MGP: variants seen among roughly 807,000 people sequenced by gnomAD.
MGP encodes cell growth-inhibiting gene 36 protein.
Under a neutral mutation model 14.5 loss-of-function variants are expected in MGP, and 13 were observed. The observed-to-expected ratio is 0.89, with a 90% CI of 0.58 to 1.42. The LOEUF (loss-of-function observed/expected upper bound fraction) is 1.42. MGP is among the 40% of genes most tolerant of loss of function. MGP has a pLI of 0.00. For missense variants in MGP, 128 were observed against 133.7 expected (o/e 0.96, Z 0.21); for synonymous variants, 44 against 46.3 (o/e 0.95, Z 0.20).
chr12:14,882,919 C>CTG, intron 3 of MGP, 53 bp downstream of exon 3: 1 of 1,197,762 alleles, frequency 8.3e-7, no homozygotes, highest in South Asian at 1.2e-5. Context: ...CAATTCAGAT[C>CTG]TGTGATCTAC....
At chr12:14,884,919 A>G (rs1251754060) in intron 1 of MGP, 1 of 1,511,972 alleles carries the variant, frequency 6.6e-7, no homozygotes, top group African/African-American at 1.4e-5. Context: ...TGGAATAAGA[A>G]GCTTCTATTA....
At chr12:14,883,367 G>A in intron 2 of MGP, 1 of 360,894 alleles carries the variant, frequency 2.8e-6, no homozygotes. Context: ...GAAATTCTCT[G>A]TCCTGAGGAT....
At position 14,882,170 on chromosome 12, in the gene MGP, C is replaced by T. The variant is rs546998085; in HGVS notation, c.281G>A (p.Arg94His). Residue 94 changes from arginine (R) to histidine (H), a missense_variant, in exon 4 of 4, where the codon CGC becomes CAC. By Grantham distance (29) the Arg-to-His change is conservative. Transcript: ENST00000539261. ...MVYGYNAAYNRYFRKRRGTK is the reference protein window; with the variant it reads ...MVYGYNAAYNHYFRKRRGTK ...GGTCCCTCGGCGCTTCCTGAAGTAG[C>T]GATTATAGGCAGCATTGTATCCATA... 2.9e-5 allele frequency: 46 copies of T among 1,613,884 alleles called. No homozygotes were observed. In the African/African-American group the frequency reaches 4.4e-4, roughly 15 times the overall value.
chr12:14,882,080 G>C lies in MGP; in HGVS notation c.*59C>G, dbSNP rs772231950. 3.8e-6 allele frequency: 6 copies of C among 1,585,172 alleles called. No homozygotes were observed. Among genetic ancestry groups the C allele is most frequent in the Non-Finnish European group, 5.2e-6 (6 of 1,154,208 alleles). ...GTATTTCTGTAATGCTGCTACAGGG[G>C]GATACAAAATCAGGTGCCAGCCTCC... On this transcript the variant is annotated 3_prime_UTR_variant, in exon 4 of 4. Transcript: ENST00000539261.
intron 2 of MGP, chr12:14,883,301 T>C: frequency 2.2e-6 from 1 of 448,474 alleles, no homozygotes; most frequent in South Asian, 2.2e-5. Flanking sequence ...GACGATCACT[T>C]TGCCTTTCTT....
rs1863377342 is a variant in MGP, at chr12:14,881,876, A to G, written c.*263T>C. 1 of 470,296 alleles carries G rather than the reference A, an allele frequency of 2.1e-6. No homozygotes were observed. Among genetic ancestry groups the G allele is most frequent in the Admixed American group, 3.4e-5 (1 of 29,694 alleles). The allele number at this position is 470,296 out of a possible 1,614,324, so 29.1% of individuals were successfully genotyped here. ...ATATCTCAATATCTTCCCAAAAGAAAGCAGATTTACAAGATGAAAGTATCA... is the reference window on the plus strand; with the variant it reads ...ATATCTCAATATCTTCCCAAAAGAAGGCAGATTTACAAGATGAAAGTATCA... On this transcript the variant is annotated 3_prime_UTR_variant, in exon 4 of 4. Coordinates refer to ENST00000539261, the MANE Select transcript of MGP (RefSeq NM_000900.5).
chr12:14,882,116 A>C lies in MGP; in HGVS notation c.*23T>G. The stretch of plus-strand genomic sequence containing the variant: ...CAGGTGCCAGCCTCCAGAAAAAAAG[A>C]GATTTTTTTTCTTCCCTCAGTCTCA... On this transcript the variant is annotated 3_prime_UTR_variant, in exon 4 of 4. Coordinates refer to ENST00000539261, the MANE Select transcript of MGP (RefSeq NM_000900.5). 1 of 1,613,854 alleles carries C rather than the reference A, an allele frequency of 6.2e-7. No homozygotes were observed. Among genetic ancestry groups the C allele is most frequent in the Non-Finnish European group, 8.5e-7 (1 of 1,179,810 alleles).
rs573239426 is a variant in MGP at position 14,881,964 on chromosome 12, C to T, written c.*175G>A. On this transcript the variant is annotated 3_prime_UTR_variant, in exon 4 of 4. Transcript: ENST00000539261. ...CTCTCCTTTGACCCTCACTGCAGTG[C>T]ACTTTCATTACTTATCAATCTGGGG... The T allele has an allele frequency of 1.4e-6, 1 of 735,016 alleles. No homozygotes were observed. Among genetic ancestry groups the T allele is most frequent in the Admixed American group, 2.2e-5 (1 of 45,474 alleles). The allele number at this position is 735,016 out of a possible 1,614,324, so 45.5% of individuals were successfully genotyped here.
At position 14,885,792 on chromosome 12, in the gene MGP, G is replaced by A. The variant is rs764986755; in HGVS notation, c.-1C>T. The A allele has an allele frequency of 6.2e-7, 1 of 1,613,658 alleles. No homozygotes were observed. The highest frequency in any genetic ancestry group is 8.5e-7 in the Non-Finnish European group (1 of 1,179,650). On this transcript the variant is annotated 5_prime_UTR_variant, in exon 1 of 4. Coordinates refer to ENST00000539261, the MANE Select transcript of MGP (RefSeq NM_000900.5). ...TGGCAAGAAGGATCAGGCTCTTCAT[G>A]GTTTCGTCCTGCAGGTCAGTCTCAG...
chr12:14,882,212 T>C lies in MGP; in HGVS notation c.239A>G (p.Glu80Gly). The C allele has an allele frequency of 1.2e-6, 2 of 1,614,112 alleles. No individual in the cohort carries two copies. Among genetic ancestry groups the C allele is most frequent in the South Asian group, 2.2e-5 (2 of 91,088 alleles). The change falls in exon 4 of 4, where the codon GAA (glutamate) becomes GGA (glycine). Residue 80 changes from glutamate (E) to glycine (G), a missense_variant. By Grantham distance (98) the Glu-to-Gly change is moderately conservative. Transcript: ENST00000539261. Reference protein sequence around the residue: ...REACDDYRLCERYAMVYGYNA... With the variant: ...REACDDYRLCGRYAMVYGYNA... ...GTATCCATAAACCATGGCGTAGCGTTCGCAAAGTCTGTAGTCATCACAGGC... is the reference window on the plus strand; with the variant it reads ...GTATCCATAAACCATGGCGTAGCGTCCGCAAAGTCTGTAGTCATCACAGGC...
In MGP at chr12:14,882,132, C is replaced by T. The variant is rs1863382040; in HGVS notation, c.*7G>A. ...GAAAAAAAGAGATTTTTTTTCTTCCCTCAGTCTCATTTGGTCCCTCGGCGC... is the reference window on the plus strand; with the variant it reads ...GAAAAAAAGAGATTTTTTTTCTTCCTTCAGTCTCATTTGGTCCCTCGGCGC... On this transcript the variant is annotated 3_prime_UTR_variant, in exon 4 of 4. Coordinates refer to ENST00000539261, the MANE Select transcript of MGP (RefSeq NM_000900.5). 11 of 1,613,728 alleles carry T rather than the reference C, an allele frequency of 6.8e-6. No homozygotes were observed. Among genetic ancestry groups the T allele is most frequent in the Non-Finnish European group, 9.3e-6 (11 of 1,179,898 alleles).
rs1565440287 is a variant in MGP at position 14,882,159 on chromosome 12, T to C, written c.292A>G (p.Lys98Glu). ...CAGTCTCATTTGGTCCCTCGGCGCT[T>C]CCTGAAGTAGCGATTATAGGCAGCA... ...YNAAYNRYFR[K>E]RRGTK is the part of the protein sequence containing the mutation. The change falls in exon 4 of 4, where the codon AAG becomes GAG. Residue 98 changes from lysine to glutamate, a missense_variant. Lys to Glu is a moderately conservative substitution (Grantham distance 56). Coordinates refer to ENST00000539261, the MANE Select transcript of MGP (RefSeq NM_000900.5). 1 of 1,614,100 alleles carries C rather than the reference T, an allele frequency of 6.2e-7. No homozygotes were observed. The highest frequency in any genetic ancestry group is 1.7e-5 in the Admixed American group (1 of 60,022).
At position 14,882,999 on chromosome 12, in the gene MGP, T is replaced by C; in HGVS notation, c.143A>G (p.Gln48Arg). The change falls in exon 3 of 4, where the codon CAG (glutamine) becomes CGG (arginine). Residue 48 changes from glutamine (Q) to arginine (R), a missense_variant. Transcript: ENST00000539261. ...CTCTTGGACTTTAGCTCTCCATCTCTGCTGAGGGGATATGAAGGTATTTGC... is the reference window on the plus strand; with the variant it reads ...CTCTTGGACTTTAGCTCTCCATCTCCGCTGAGGGGATATGAAGGTATTTGC... ...RNANTFISPQQRWRAKVQERI... is the reference protein window; with the variant it reads ...RNANTFISPQRRWRAKVQERI... The C allele has an allele frequency of 3.1e-6, 5 of 1,612,932 alleles. No homozygotes were observed. Among genetic ancestry groups the C allele is most frequent in the Non-Finnish European group, 4.2e-6 (5 of 1,179,004 alleles).
Position 14,884,713 on chromosome 12 carries a change from G to A in MGP, c.62-468C>T, listed in dbSNP as rs1348393166. 5 of 982,382 alleles carry A rather than the reference G, an allele frequency of 5.1e-6. No individual in the cohort carries two copies. In the African/African-American group the frequency reaches 6.6e-5, roughly 13 times the overall value. The allele number at this position is 982,382 out of a possible 1,614,324, so 60.9% of individuals were successfully genotyped here. A position where few individuals can be genotyped will look rare whatever the true frequency, so the allele number is the denominator to read the frequency against. The stretch of plus-strand genomic sequence containing the variant: ...GAACTACAGGGCAGTTGCTCTGCTG[G>A]GCTTACTAGGGCAGGTTTCTAAGAG... On this transcript the variant is annotated intron_variant, in intron 1 of 3. Coordinates refer to ENST00000539261, the MANE Select transcript of MGP (RefSeq NM_000900.5).
At chr12:14,884,364 T>C in intron 1 of MGP, 119 bp from the exon 2 acceptor site, 1 of 687,012 alleles carries the variant, frequency 1.5e-6, no homozygotes. Context: ...GAGGAAAGAG[T>C]CTAAAAACAT....
At chr12:14,883,077 T>C (rs769385971) in intron 2 of MGP, 30 bp from the exon 3 acceptor site, 1 of 1,468,860 alleles carries the variant, frequency 6.8e-7, no homozygotes, top group South Asian at 1.1e-5. Flanking sequence ...AAATGCAGTT[T>C]TAGCGACACA....
intron 1 of MGP, 61 bp from the exon 2 acceptor site, chr12:14,884,306 A>G: frequency 8.9e-7 from 1 of 1,128,774 alleles, no homozygotes; most frequent in Non-Finnish European, 1.3e-6. Flanking sequence ...TTATGTTATT[A>G]TTTATCAATT....
intron 2 of MGP, 185 bp from the exon 3 acceptor site, chr12:14,883,232 A>C (rs1863401411): frequency 1.7e-6 from 1 of 592,100 alleles, no homozygotes; most frequent in Admixed American, 2.4e-5. Flanking sequence ...AAATGAAATC[A>C]GTAATCAATC....
chr12:14,882,258 C>T lies in MGP; in HGVS notation c.193G>A (p.Val65Ile), dbSNP rs1863386294. Residue 65 changes from valine to isoleucine, a missense_variant, in exon 4 of 4, where the codon GTC becomes ATC. Physicochemically the swap from Val to Ile is conservative, Grantham distance 29 (BLOSUM62 3). Coordinates refer to ENST00000539261, the MANE Select transcript of MGP (RefSeq NM_000900.5). ...QERIRERSKP[V>I]HELNREACDD... ...CAGGCTTCCCTATTGAGCTCGTGGA[C>T]AGGCTTAGAGCGTTCTCGGATCCTA... The T allele has an allele frequency of 8.1e-6, 13 of 1,613,866 alleles. 1 individual carries two copies. The South Asian group carries it at 1.4e-4, about 18-fold the overall frequency.
Sources: gnomAD v4.1 joint callset for allele counts on GRCh38, gnomAD v4.1.1 for gene constraint, MANE v1.5 for transcripts, NCBI Gene and HGNC (gene_info 2026-07-23, HGNC 2026-07-21) for gene names.